CHST8: variants seen among roughly 807,000 people sequenced by gnomAD.
CHST8 encodes the protein GALNAC-4-ST1.
In CHST8, 10 loss-of-function variants were observed where a neutral mutation model predicts 15.0. That is an observed-to-expected ratio of 0.67 (90% CI 0.41 to 1.13). The LOEUF is 1.13. Among genes scored for constraint, CHST8 ranks in the 50% most tolerant of loss-of-function variants. The pLI, the probability that CHST8 is intolerant of heterozygous loss-of-function variation, is 0.00. For missense variants in CHST8, 634 were observed against 608.2 expected, an observed-to-expected ratio of 1.04 and a Z score of -0.45; for synonymous variants, 259 against 256.6, an observed-to-expected ratio of 1.01 and a Z score of -0.09.
intron 3 of CHST8, among the ~76,000 whole-genome samples, chr19:33,690,647 T>C (rs565029536): frequency 2.0e-4 from 31 of 152,266 alleles, no homozygotes; most frequent in African/African-American, 6.7e-4. Context: ...GACTCACGCC[T>C]GTGCCGGGCC....
chr19:33,668,075 C>T (rs1278052911), intron 2 of CHST8, among the ~76,000 whole-genome samples: 4 of 152,130 alleles, frequency 2.6e-5, no homozygotes, highest in African/African-American at 9.7e-5. Context: ...CGAGTGAATG[C>T]GTCAGACAGC....
At chr19:33,708,371 A>G (rs1973485159) in intron 3 of CHST8, among the ~76,000 whole-genome samples, 1 of 152,188 alleles carries the variant, frequency 6.6e-6, no homozygotes, top group Non-Finnish European at 1.5e-5. Context: ...TGGCTGTTAC[A>G]TCTGTGTCTG....
chr19:33,770,349 G>A (rs974592346), intron 3 of CHST8, among the ~76,000 whole-genome samples: 1 of 152,214 alleles, frequency 6.6e-6, no homozygotes, highest in Non-Finnish European at 1.5e-5. Context: ...CTCCTTAAGG[G>A]ATAGCTGGCT....
intron 1 of CHST8, among the ~76,000 whole-genome samples, chr19:33,636,180 G>C (rs958120483): frequency 5.9e-5 from 9 of 151,666 alleles, no homozygotes; most frequent in Non-Finnish European, 1.0e-4. Flanking sequence ...AACGTTTTAC[G>C]AGTCGATGCT....
chr19:33,721,824 G>C (rs560144695), intron 3 of CHST8, among the ~76,000 whole-genome samples: 44 of 151,736 alleles, frequency 2.9e-4, no homozygotes, highest in African/African-American at 1.1e-3. Flanking sequence ...GTGATGGAGG[G>C]ATAGATGTTT....
At position 33,689,328 on chromosome 19, in the gene CHST8, G is replaced by T. The variant is rs768964667; in HGVS notation, c.67G>T (p.Ala23Ser). The change falls in exon 3 of 5, where the codon GCA (alanine) becomes TCA (serine). Residue 23 changes from alanine to serine, a missense_variant. Transcript: ENST00000650847. ...MFSSILLFGA[A>S]GLLLFISLQD... Reference sequence around the variant, plus strand: ...CTCTTCCATCCTGCTGTTCGGAGCTGCAGGCCTCCTCCTCTTCATCAGCCT... The same window carrying T: ...CTCTTCCATCCTGCTGTTCGGAGCTTCAGGCCTCCTCCTCTTCATCAGCCT... 17 of 1,609,330 alleles carry T rather than the reference G, an allele frequency of 1.1e-5. No homozygotes were observed. In the South Asian group the frequency reaches 1.9e-4, roughly 18 times the overall value.
chr19:33,748,093 C>G (rs1239574782), intron 3 of CHST8, among the ~76,000 whole-genome samples: 1 of 152,200 alleles, frequency 6.6e-6, no homozygotes, highest in Non-Finnish European at 1.5e-5. Context: ...GCCAAGGACC[C>G]AGGGGAATGC....
chr19:33,665,682 C>T (rs1048665993), intron 1 of CHST8, among the ~76,000 whole-genome samples: 1 of 152,128 alleles, frequency 6.6e-6, no homozygotes, highest in African/African-American at 2.4e-5. Flanking sequence ...GTAGCCTCTT[C>T]CTGCTGGACC....
At chr19:33,647,157 C>T (rs562406375) in intron 1 of CHST8, among the ~76,000 whole-genome samples, 70 of 152,286 alleles carry the variant, frequency 4.6e-4, no homozygotes, top group African/African-American at 1.4e-3. Flanking sequence ...TGATCGAGGT[C>T]AGCGAGGGAG....
intron 1 of CHST8, among the ~76,000 whole-genome samples, chr19:33,638,224 C>G (rs897300751): frequency 6.6e-6 from 1 of 152,158 alleles, no homozygotes; most frequent in Non-Finnish European, 1.5e-5. Context: ...TGACGTTTTC[C>G]TCAAAGGAAA....
At chr19:33,720,146 C>T (rs955483405) in intron 3 of CHST8, among the ~76,000 whole-genome samples, 3 of 152,088 alleles carry the variant, frequency 2.0e-5, no homozygotes, top group Non-Finnish European at 4.4e-5. Context: ...CTCCTCATAC[C>T]ATGGGGAGGG....
chr19:33,666,953 C>T (rs1172973386), intron 1 of CHST8, among the ~76,000 whole-genome samples: 5 of 152,134 alleles, frequency 3.3e-5, no homozygotes, highest in Middle Eastern at 3.2e-3. Context: ...CTGCCTGCCT[C>T]GGCCTCCCAT....
In CHST8 at chr19:33,757,383, A is replaced by AAAAGAAAGAAAG. The variant is rs377086522; in HGVS notation, c.131-14024_131-14023insAGAAAGAAAGAA. 3.9e-3 allele frequency among the ~76,000 whole-genome samples: 426 copies of AAAAGAAAGAAAG among 108,926 alleles called. 71 individuals are homozygous for AAAAGAAAGAAAG. The highest frequency in any genetic ancestry group is 5.6e-3 in the South Asian group (19 of 3,402). 71.5% of individuals were successfully genotyped at this position (108,926 alleles called of 152,430 possible). ...CAACAGAGTGAGACGCGGTCTCAAA[A>AAAAGAAAGAAAG]AAAGAAGAAAGAAAGAAAGAAAGAA... On this transcript the variant is annotated intron_variant, in intron 3 of 4. Coordinates refer to ENST00000650847, the MANE Select transcript of CHST8 (RefSeq NM_001127895.2).
chr19:33,622,822 A>T (rs1972002787), intron 1 of CHST8, among the ~76,000 whole-genome samples: 1 of 150,682 alleles, frequency 6.6e-6, no homozygotes, highest in African/African-American at 2.4e-5. Context: ...CCGACCCGCA[A>T]CTCTCCAGGG....
chr19:33,661,560 C>A (rs999750766), intron 1 of CHST8, among the ~76,000 whole-genome samples: 1 of 152,152 alleles, frequency 6.6e-6, no homozygotes, highest in Non-Finnish European at 1.5e-5. Flanking sequence ...CCTAGCCCCC[C>A]ATGGCTGGGC....
intron 2 of CHST8, among the ~76,000 whole-genome samples, chr19:33,668,476 T>C (rs1405855581): frequency 6.6e-6 from 1 of 151,888 alleles, no homozygotes; most frequent in East Asian, 1.9e-4. Flanking sequence ...TCCGAGCAAT[T>C]AGGGTTTGGA....
At chr19:33,763,662 T>C (rs1974779096) in intron 3 of CHST8, among the ~76,000 whole-genome samples, 1 of 152,212 alleles carries the variant, frequency 6.6e-6, no homozygotes, top group South Asian at 2.1e-4. Context: ...GGGTGAGGCT[T>C]TTTTCCGGGC....
intron 3 of CHST8, among the ~76,000 whole-genome samples, chr19:33,700,375 C>G (rs773986900): frequency 6.6e-6 from 1 of 152,176 alleles, no homozygotes; most frequent in Non-Finnish European, 1.5e-5. Context: ...CTCTCAGAAC[C>G]CAGTGTTTCT....
At chr19:33,732,121 C>G (rs1173606338) in intron 3 of CHST8, among the ~76,000 whole-genome samples, 1 of 152,222 alleles carries the variant, frequency 6.6e-6, no homozygotes, top group South Asian at 2.1e-4. Context: ...CTGCCTCTTT[C>G]TTTTGGGCTC....
Sources: gnomAD v4.1 joint callset for allele counts (sites outside exome capture counted in the v4.1 genomes callset) on GRCh38, gnomAD v4.1.1 for gene constraint, MANE v1.5 for transcripts, NCBI Gene and HGNC (gene_info 2026-07-23, HGNC 2026-07-21) for gene names.